Variants in PDGFC observed in about 807,000 individuals in gnomAD.
The protein encoded by PDGFC is platelet derived growth factor C.
In PDGFC, 12 loss-of-function variants were observed where a neutral mutation model predicts 35.5. That is an observed-to-expected ratio of 0.34 (90% CI 0.22 to 0.55). The LOEUF (loss-of-function observed/expected upper bound fraction) is 0.55, where lower values mean the gene tolerates loss of function less well. PDGFC is among the 20% of genes least tolerant of loss of function. The pLI is 0.91. For missense variants in PDGFC, 322 were observed against 412.4 expected, an observed-to-expected ratio of 0.78 and a Z score of 1.90; for synonymous variants, 159 against 148.8, an observed-to-expected ratio of 1.07 and a Z score of -0.50.
chr4:156,868,751 C>T (rs2111135444), intron 1 of PDGFC, among the ~76,000 whole-genome samples: 1 of 152,226 alleles, frequency 6.6e-6, no homozygotes, highest in Non-Finnish European at 1.5e-5. Context: ...CTTCTTACTT[C>T]CTTTACTATC....
chr4:156,809,043 T>C (rs953940616), intron 3 of PDGFC, among the ~76,000 whole-genome samples: 2 of 152,040 alleles, frequency 1.3e-5, no homozygotes, highest in Non-Finnish European at 2.9e-5. Flanking sequence ...AAAAGCCTAT[T>C]GTTTTCCTAA....
chr4:156,783,869 A>G (rs898272953), intron 3 of PDGFC, among the ~76,000 whole-genome samples: 1 of 152,200 alleles, frequency 6.6e-6, no homozygotes, highest in African/African-American at 2.4e-5. Context: ...GGCAAAGTAC[A>G]TGACCATGGT....
chr4:156,890,959 G>A (rs904662164), intron 1 of PDGFC, among the ~76,000 whole-genome samples: 1 of 151,934 alleles, frequency 6.6e-6, no homozygotes, highest in African/African-American at 2.4e-5. Flanking sequence ...CTTAAGGATG[G>A]GATATGTTAT....
At chr4:156,804,054 T>C (rs750498929) in intron 3 of PDGFC, among the ~76,000 whole-genome samples, 7 of 151,738 alleles carry the variant, frequency 4.6e-5, no homozygotes, top group Non-Finnish European at 7.4e-5. Flanking sequence ...GATATCTACC[T>C]AATTTTATGG....
At chr4:156,820,354 A>G (rs1396786677) in intron 2 of PDGFC, among the ~76,000 whole-genome samples, 1 of 152,232 alleles carries the variant, frequency 6.6e-6, no homozygotes, top group Non-Finnish European at 1.5e-5. Context: ...CAACATGTCA[A>G]AGTTCATTGT....
chr4:156,934,099 C>T (rs775360202), intron 1 of PDGFC, among the ~76,000 whole-genome samples: 13 of 152,066 alleles, frequency 8.5e-5, no homozygotes, highest in Non-Finnish European at 1.8e-4. Context: ...AATGAATCAC[C>T]AATATACAGT....
chr4:156,858,784 T>C (rs1165401567), intron 1 of PDGFC, among the ~76,000 whole-genome samples: 1 of 152,096 alleles, frequency 6.6e-6, no homozygotes, highest in Non-Finnish European at 1.5e-5. Context: ...CAAATTCACA[T>C]TATATATCCT....
chr4:156,813,539 G>A (rs907009135), intron 2 of PDGFC, among the ~76,000 whole-genome samples: 1 of 152,016 alleles, frequency 6.6e-6, no homozygotes, highest in Non-Finnish European at 1.5e-5. Context: ...TGAAAGGGGT[G>A]GGGGATGAAA....
At chr4:156,864,163 T>C (rs1729780408) in intron 1 of PDGFC, among the ~76,000 whole-genome samples, 1 of 152,090 alleles carries the variant, frequency 6.6e-6, no homozygotes, top group Admixed American at 6.6e-5. Context: ...TGCAAACATA[T>C]TTACAAATAA....
At chr4:156,883,936 T>C (rs1015348179) in intron 1 of PDGFC, among the ~76,000 whole-genome samples, 9 of 152,212 alleles carry the variant, frequency 5.9e-5, no homozygotes, top group Non-Finnish European at 1.3e-4. Context: ...GATAAAGGTC[T>C]CTGGTCACAA....
chr4:156,827,708 G>T (rs765635424), intron 2 of PDGFC, among the ~76,000 whole-genome samples: 2 of 151,990 alleles, frequency 1.3e-5, no homozygotes, highest in South Asian at 4.2e-4. Context: ...ACATGCTTAC[G>T]CAATACCCAC....
intron 1 of PDGFC, among the ~76,000 whole-genome samples, chr4:156,947,690 C>T (rs1450653197): frequency 6.6e-6 from 1 of 151,952 alleles, no homozygotes; most frequent in Admixed American, 6.6e-5. Context: ...CTTTTCCCCT[C>T]AATCCTTTAA....
chr4:156,960,734 C>G (rs1732323892), intron 1 of PDGFC, among the ~76,000 whole-genome samples: 1 of 151,884 alleles, frequency 6.6e-6, no homozygotes, highest in Admixed American at 6.6e-5. Flanking sequence ...CAACTTTTTC[C>G]CTTGTTTTTA....
At chr4:156,916,482 G>GT (rs1731158867) in intron 1 of PDGFC, among the ~76,000 whole-genome samples, 1 of 152,054 alleles carries the variant, frequency 6.6e-6, no homozygotes. Flanking sequence ...TCTTCCTTCT[G>GT]ACAAGATGTC....
At chr4:156,850,483 G>T in intron 1 of PDGFC, 67 bp from the exon 2 acceptor site, 1 of 863,550 alleles carries the variant, frequency 1.2e-6, no homozygotes, top group Non-Finnish European at 1.7e-6. Context: ...CAAAGCAAGT[G>T]TTTATTATTC....
intron 2 of PDGFC, among the ~76,000 whole-genome samples, chr4:156,848,617 T>C (rs1729381897): frequency 6.6e-6 from 1 of 152,132 alleles, no homozygotes; most frequent in Admixed American, 6.5e-5. Context: ...CTGAAACATA[T>C]GTTAAATCAT....
At chr4:156,797,338 C>G (rs907789101) in intron 3 of PDGFC, among the ~76,000 whole-genome samples, 2 of 152,086 alleles carry the variant, frequency 1.3e-5, no homozygotes, top group Admixed American at 1.3e-4. Context: ...ACACTCACCC[C>G]TCGCCCACAC....
At chr4:156,763,762 A>G (rs1730447720) in intron 5 of PDGFC, among the ~76,000 whole-genome samples, 4 of 152,230 alleles carry the variant, frequency 2.6e-5, no homozygotes, top group African/African-American at 4.8e-5. Context: ...GATTAGATGT[A>G]CTTCATAGAC....
At chr4:156,852,685 T>C (rs1729485698) in intron 1 of PDGFC, among the ~76,000 whole-genome samples, 1 of 152,182 alleles carries the variant, frequency 6.6e-6, no homozygotes, top group African/African-American at 2.4e-5. Flanking sequence ...TTAATCATAT[T>C]TGGGTGGGTC....
Sources: allele counts gnomAD v4.1 joint callset (sites outside exome capture counted in the v4.1 genomes callset), GRCh38; gene constraint gnomAD v4.1.1; transcripts MANE v1.5; gene names NCBI Gene and HGNC (gene_info 2026-07-23, HGNC 2026-07-21).